The following USP24 variants were observed in gnomAD, a reference collection of about 807,000 sequenced individuals.
The protein encoded by USP24 is ubiquitin specific peptidase 24.
Under a neutral mutation model 361.6 loss-of-function variants are expected in USP24, and 97 were observed. The ratio of observed to expected loss-of-function variants is 0.27; its 90% CI spans 0.23 to 0.32. USP24 has a LOEUF of 0.32. USP24 is among the 10% of genes least tolerant of loss of function. The pLI is 1.00. For synonymous variants in USP24, 1,098 were observed against 1,124.6 expected, an observed-to-expected ratio of 0.98 and a Z score of 0.47; for missense variants, 2,353 against 3,165.6, an observed-to-expected ratio of 0.74 and a Z score of 6.16.
At chr1:55,149,226 C>T (rs1388920182) in intron 16 of USP24, among the ~76,000 whole-genome samples, 1 of 152,140 alleles carries the variant, frequency 6.6e-6, no homozygotes, top group Non-Finnish European at 1.5e-5. Flanking sequence ...TCTAAAAAGT[C>T]TACTGTTTGT....
intron 1 of USP24, among the ~76,000 whole-genome samples, chr1:55,188,487 C>A (rs907395116): frequency 2.0e-5 from 3 of 150,362 alleles, no homozygotes; most frequent in Admixed American, 2.0e-4. Flanking sequence ...AAAAAAAAAA[C>A]CTTACAACTC....
Position 55,174,524 on chromosome 1 carries a change from T to C in USP24, c.558+1852A>G, listed in dbSNP as rs1327235361. Among the ~76,000 whole-genome samples, 4 of 152,316 alleles carry C rather than the reference T, an allele frequency of 2.6e-5. No individual in the cohort carries two copies. In the East Asian group the frequency reaches 5.8e-4, roughly 22 times the overall value. On this transcript the variant is annotated intron_variant, in intron 3 of 67. Coordinates refer to ENST00000294383, the MANE Select transcript of USP24 (RefSeq NM_015306.3). The stretch of plus-strand genomic sequence containing the variant: ...AGTTTTACAGAAAAATGACCAACCA[T>C]GTGACCATTTATTATACTGCTCCTA...
intron 1 of USP24, among the ~76,000 whole-genome samples, chr1:55,194,873 C>G (rs1305372985): frequency 6.6e-6 from 1 of 152,128 alleles, no homozygotes; most frequent in Non-Finnish European, 1.5e-5. Context: ...ATAGTCTGTC[C>G]TAGCCAAGCC....
Position 55,154,681 on chromosome 1 carries a change from A to T in USP24, c.1544T>A (p.Leu515His). 1 of 1,612,928 alleles carries T rather than the reference A, an allele frequency of 6.2e-7. No individual in the cohort carries two copies. Reference protein sequence around the residue: ...NSDQLNHLFVLIQKSWETESD... With the variant: ...NSDQLNHLFVHIQKSWETESD... ...TGACTGAACACGTACCTTCTGAATG[A>T]GAACAAACAAATGATTAAGCTGATC... Residue 515 changes from leucine (L) to histidine (H), a missense_variant, in exon 13 of 68, where the codon CTC (leucine) becomes CAC (histidine). Physicochemically the swap from Leu to His is moderately conservative, Grantham distance 99. Transcript: ENST00000294383.
chr1:55,194,033 T>C (rs1378803016), intron 1 of USP24, among the ~76,000 whole-genome samples: 3 of 152,160 alleles, frequency 2.0e-5, no homozygotes, highest in Non-Finnish European at 2.9e-5. Flanking sequence ...CAATGCAGAA[T>C]GGAGGCAAAA....
intron 52 of USP24, among the ~76,000 whole-genome samples, 186 bp from the exon 53 acceptor site, chr1:55,093,102 TA>T (rs1645417966): frequency 6.6e-6 from 1 of 152,192 alleles, no homozygotes; most frequent in Non-Finnish European, 1.5e-5. Flanking sequence ...CTTTGACATA[TA>T]AGATGTTATA....
At position 55,069,114 on chromosome 1, in the gene USP24, A is replaced by G. The variant is rs182754531; in HGVS notation, c.7801-7T>C. ...TCATGGGAGATTCTGAACCCTGCAG[A>G]AAAGAAAAGGAAGTTAAAGTTCATA... is the stretch of plus-strand genomic sequence containing the variant. On this transcript the variant is annotated splice_polypyrimidine_tract_variant and splice_region_variant and intron_variant, in intron 67 of 67. Transcript: ENST00000294383. 5.0e-6 allele frequency: 8 copies of G among 1,613,994 alleles called. No individual in the cohort carries two copies. The Admixed American group carries it at 5.0e-5, about 10-fold the overall frequency.
rs568989643 is a variant in USP24, at chr1:55,112,652, C to T, written c.4509-2406G>A. Among the ~76,000 whole-genome samples the T allele has an allele frequency of 5.9e-5, 9 of 151,656 alleles. No individual in the cohort carries two copies. In the East Asian group the frequency reaches 1.4e-3, roughly 23 times the overall value. ...CGGTCTGAGAGATTGTTATGACTTC[C>T]ATTCTTTTGCTGAGGAGTGTTTTAC... On this transcript the variant is annotated intron_variant, in intron 38 of 67. Transcript: ENST00000294383.
chr1:55,110,560 A>G (rs1645919594), intron 38 of USP24, among the ~76,000 whole-genome samples: 1 of 152,210 alleles, frequency 6.6e-6, no homozygotes, highest in Non-Finnish European at 1.5e-5. Context: ...ACCAGTATCT[A>G]CTAAGCACCT....
chr1:55,147,226 A>C (rs111718262), intron 18 of USP24, among the ~76,000 whole-genome samples, 166 bp from the exon 19 acceptor site: 2 of 152,218 alleles, frequency 1.3e-5, no homozygotes, highest in African/African-American at 2.4e-5. Flanking sequence ...TTGATAGTAC[A>C]ATGTAATAGA....
chr1:55,080,891 TTTATCTCA>T (rs1182875622), intron 59 of USP24, among the ~76,000 whole-genome samples: 3 of 152,206 alleles, frequency 2.0e-5, no homozygotes, highest in African/African-American at 4.8e-5. Context: ...TACAAAGTAC[TTTATCTCA>T]TTATCTCATT....
chr1:55,073,409 G>C (rs1333052910), intron 64 of USP24, among the ~76,000 whole-genome samples: 1 of 152,054 alleles, frequency 6.6e-6, no homozygotes, highest in Non-Finnish European at 1.5e-5. Flanking sequence ...TTCTTGACAC[G>C]GTGCCTGGGT....
At chr1:55,075,429 A>T (rs777910006) in intron 63 of USP24, 28 bp downstream of exon 63, 17 of 1,576,396 alleles carry the variant, frequency 1.1e-5, no homozygotes, top group Non-Finnish European at 1.4e-5. Context: ...TACTATAGAC[A>T]TTTGTGCATA....
chr1:55,131,857 C>G (rs1231238029), intron 31 of USP24, among the ~76,000 whole-genome samples: 2 of 152,172 alleles, frequency 1.3e-5, no homozygotes, highest in East Asian at 3.8e-4. Context: ...AAAGCAAAAT[C>G]ATTCAGGGCT....
chr1:55,191,657 AT>A (rs1231297347), intron 1 of USP24, among the ~76,000 whole-genome samples: 7 of 151,742 alleles, frequency 4.6e-5, no homozygotes, highest in Admixed American at 4.6e-4. Context: ...CGTCCGGCTA[AT>A]TTTTTGTATT....
At chr1:55,093,819 G>A in intron 52 of USP24, 118 bp downstream of exon 52, 3 of 1,397,594 alleles carry the variant, frequency 2.1e-6, no homozygotes, top group Non-Finnish European at 2.9e-6. Flanking sequence ...AGACAAGTGT[G>A]TAAGACGATG....
intron 38 of USP24, among the ~76,000 whole-genome samples, chr1:55,120,032 T>G (rs1570456447): frequency 6.6e-6 from 1 of 152,288 alleles, no homozygotes; most frequent in Admixed American, 6.5e-5. Flanking sequence ...AAAAGTCATA[T>G]GAACTTGAGG....
chr1:55,193,419 AT>A (rs1211734639), intron 1 of USP24, among the ~76,000 whole-genome samples: 1 of 152,240 alleles, frequency 6.6e-6, no homozygotes, highest in African/African-American at 2.4e-5. Flanking sequence ...AGGTTGTCCT[AT>A]AATCCAAAGG....
At chr1:55,121,320 C>T in intron 37 of USP24, 116 bp downstream of exon 37, 2 of 878,812 alleles carry the variant, frequency 2.3e-6, no homozygotes, top group Admixed American at 5.6e-5. Flanking sequence ...CCTTCGTACA[C>T]TCCCTGAGAG....
Sources: gnomAD v4.1 joint callset for allele counts (sites outside exome capture counted in the v4.1 genomes callset) on GRCh38, gnomAD v4.1.1 for gene constraint, MANE v1.5 for transcripts, NCBI Gene and HGNC (gene_info 2026-07-23, HGNC 2026-07-21) for gene names.